Variants in FMN1 observed in about 807,000 individuals in gnomAD.
The protein encoded by FMN1 is formin-1.
A neutral mutation model predicts 132.4 loss-of-function variants in FMN1; 110 were observed. That is an observed-to-expected ratio of 0.83 (90% CI 0.71 to 0.97). FMN1 has a LOEUF of 0.97. Among genes scored for constraint, FMN1 ranks in the 50% least tolerant of loss-of-function variants. The probability of loss-of-function intolerance (pLI) is 0.00; values close to 1 mark genes in which losing one functional copy is unlikely to be tolerated. For missense variants in FMN1, 1,792 were observed against 1,705.3 expected, an observed-to-expected ratio of 1.05 and a Z score of -0.90; for synonymous variants, 722 against 651.7, an observed-to-expected ratio of 1.11 and a Z score of -1.64.
intron 5 of FMN1, among the ~76,000 whole-genome samples, chr15:33,078,479 T>C (rs2038311815): frequency 6.6e-6 from 1 of 152,202 alleles, no homozygotes; most frequent in African/African-American, 2.4e-5. Flanking sequence ...AGAAATGCTG[T>C]AACAGTTCCT....
chr15:32,887,118 G>A (rs11858581), intron 16 of FMN1, among the ~76,000 whole-genome samples: 3,856 of 152,142 alleles, frequency 0.025, 163 homozygotes, highest in African/African-American at 0.088. Context: ...CTTTGCCACC[G>A]GGAGCAGATC....
At chr15:33,007,655 C>A (rs562912880) in intron 7 of FMN1, among the ~76,000 whole-genome samples, 1 of 151,894 alleles carries the variant, frequency 6.6e-6, no homozygotes, top group African/African-American at 2.4e-5. Flanking sequence ...CATGAACACC[C>A]GAACAAGAGG....
rs146226773 is a variant in FMN1, at chr15:33,088,155, A to G, written c.2043+644T>C. On this transcript the variant is annotated intron_variant, in intron 5 of 20. Coordinates refer to ENST00000616417, the MANE Select transcript of FMN1 (RefSeq NM_001277313.2). ...CACCAAAATCTCAGTAATCCCCACTAAAGAACTTATTCATGTAACCAAACA... is the reference window on the plus strand; with the variant it reads ...CACCAAAATCTCAGTAATCCCCACTGAAGAACTTATTCATGTAACCAAACA... 5.3e-3 allele frequency among the ~76,000 whole-genome samples: 809 copies of G among 152,258 alleles called. 9 individuals are homozygous for G. The highest frequency in any genetic ancestry group is 0.019 in the African/African-American group (776 of 41,536).
At chr15:32,892,958 A>G (rs553533290) in intron 15 of FMN1, among the ~76,000 whole-genome samples, 1 of 152,160 alleles carries the variant, frequency 6.6e-6, no homozygotes, top group Admixed American at 6.5e-5. Flanking sequence ...AACATCTGGC[A>G]TATCAATAAG....
At chr15:32,963,651 T>C (rs2030858439) in intron 9 of FMN1, among the ~76,000 whole-genome samples, 1 of 152,220 alleles carries the variant, frequency 6.6e-6, no homozygotes, top group East Asian at 1.9e-4. Context: ...AGGAAATACT[T>C]GTTAAATGAA....
chr15:32,975,772 T>C (rs755963474), intron 7 of FMN1, among the ~76,000 whole-genome samples: 8 of 152,302 alleles, frequency 5.3e-5, no homozygotes, highest in South Asian at 2.1e-4. Context: ...AACCACCCGG[T>C]AGAAATGAAC....
At chr15:32,895,953 TTTG>T (rs2060144640) in intron 15 of FMN1, among the ~76,000 whole-genome samples, 1 of 152,138 alleles carries the variant, frequency 6.6e-6, no homozygotes, top group African/African-American at 2.4e-5. Context: ...TCGAAAGGAT[TTTG>T]CTACTTCAAA....
chr15:33,193,028 T>C (rs1966132143), intron 2 of FMN1, among the ~76,000 whole-genome samples: 1 of 152,222 alleles, frequency 6.6e-6, no homozygotes, highest in Non-Finnish European at 1.5e-5. Flanking sequence ...CATTACAATA[T>C]ACTGTCTCAC....
At chr15:32,865,261 T>C (rs534023656) in intron 16 of FMN1, among the ~76,000 whole-genome samples, 1 of 152,360 alleles carries the variant, frequency 6.6e-6, no homozygotes, top group South Asian at 2.1e-4. Flanking sequence ...GGGTGAATTA[T>C]GTGGAATGTG....
chr15:32,984,300 T>C (rs1052803113), intron 7 of FMN1, among the ~76,000 whole-genome samples: 1 of 152,190 alleles, frequency 6.6e-6, no homozygotes, highest in Non-Finnish European at 1.5e-5. Flanking sequence ...TAGATTAATA[T>C]TTTTTCTTAG....
chr15:33,022,551 C>T (rs1443351767), intron 6 of FMN1, among the ~76,000 whole-genome samples: 1 of 152,174 alleles, frequency 6.6e-6, no homozygotes, highest in Non-Finnish European at 1.5e-5. Flanking sequence ...TTTTTAGCTC[C>T]CTCCTAAGCC....
intron 5 of FMN1, chr15:33,066,657 T>C (rs187679649): frequency 1.2e-6 from 2 of 1,613,728 alleles, no homozygotes; most frequent in East Asian, 2.2e-5. Context: ...GGGGGCCGGA[T>C]GAATAGGGCT....
chr15:33,193,431 G>A (rs1055329193), intron 2 of FMN1, among the ~76,000 whole-genome samples: 11 of 152,060 alleles, frequency 7.2e-5, no homozygotes, highest in Non-Finnish European at 1.2e-4. Context: ...GCGCCCCTCC[G>A]CCCCCCTGCC....
chr15:32,920,952 C>G (rs770038167), intron 10 of FMN1, among the ~76,000 whole-genome samples: 6 of 152,204 alleles, frequency 3.9e-5, no homozygotes, highest in Non-Finnish European at 5.9e-5. Flanking sequence ...TCCTATTTTT[C>G]TTTATTCATT....
chr15:33,043,605 T>C (rs2036541904), intron 6 of FMN1, among the ~76,000 whole-genome samples: 1 of 152,216 alleles, frequency 6.6e-6, no homozygotes, highest in East Asian at 1.9e-4. Context: ...TAACAGATGG[T>C]GTCAGAAGTG....
At chr15:32,788,755 G>C (rs1171981779) in intron 19 of FMN1, among the ~76,000 whole-genome samples, 2 of 152,198 alleles carry the variant, frequency 1.3e-5, no homozygotes, top group Admixed American at 6.5e-5. Context: ...GCTCTCTAAG[G>C]TTTTGATTTG....
intron 17 of FMN1, among the ~76,000 whole-genome samples, chr15:32,849,872 G>A (rs2058968588): frequency 6.6e-6 from 1 of 152,132 alleles, no homozygotes; most frequent in Non-Finnish European, 1.5e-5. Context: ...GGCCAGGCTG[G>A]TCTCAAACTC....
In FMN1 at chr15:33,008,198, A is replaced by G. The variant is rs1025046173; in HGVS notation, c.2162-123T>C. On this transcript the variant is annotated intron_variant, in intron 6 of 20. Transcript: ENST00000616417. ...GCCACAATTTGACATCAACCTTACA[A>G]GAGATGTTAAAAATTACAGAAAGAT... is the stretch of plus-strand genomic sequence containing the variant. 7 of 746,720 alleles carry G rather than the reference A, an allele frequency of 9.4e-6. No homozygotes were observed. The African/African-American group carries it at 1.1e-4, about 11-fold the overall frequency. 46.3% of individuals were successfully genotyped at this position (746,720 alleles called of 1,614,324 possible).
chr15:32,962,858 C>G (rs1477836493), intron 9 of FMN1, among the ~76,000 whole-genome samples: 117 of 151,114 alleles, frequency 7.7e-4, no homozygotes, highest in Middle Eastern at 3.4e-3. Flanking sequence ...TGCTGGAGAG[C>G]ATGTGGAGAA....
Sources: allele counts gnomAD v4.1 joint callset (sites outside exome capture counted in the v4.1 genomes callset), GRCh38; gene constraint gnomAD v4.1.1; transcripts MANE v1.5; gene names NCBI Gene and HGNC (gene_info 2026-07-23, HGNC 2026-07-21).